Variants in ZPBP observed in about 807,000 individuals in gnomAD.
ZPBP encodes the protein zona pellucida-binding protein 1.
Under a neutral mutation model 44.8 loss-of-function variants are expected in ZPBP, and 26 were observed. The observed-to-expected ratio is 0.58, with a 90% CI of 0.43 to 0.81. The LOEUF is 0.81. ZPBP is among the 30% of genes least tolerant of loss of function. The pLI is 0.00. For synonymous variants in ZPBP, 174 were observed against 153.2 expected (o/e 1.14, Z -1.00); for missense variants, 409 against 434.0 (o/e 0.94, Z 0.51).
Position 50,018,334 on chromosome 7 carries a change from A to C in ZPBP, c.707-18T>G. 13 of 1,532,026 alleles carry C rather than the reference A, an allele frequency of 8.5e-6. No homozygotes were observed. Among genetic ancestry groups the C allele is most frequent in the Non-Finnish European group, 1.2e-5 (13 of 1,109,652 alleles). 94.9% of individuals were successfully genotyped at this position (1,532,026 alleles called of 1,614,324 possible). A position where few individuals can be genotyped will look rare whatever the true frequency, so the allele number is the denominator to read the frequency against. ...AGATGAAACTGAGAAAATATATTAT[A>C]TTTTATCATGGGTATAATGTATTCT... On this transcript the variant is annotated intron_variant, in intron 5 of 7. Coordinates refer to ENST00000046087, the MANE Select transcript of ZPBP (RefSeq NM_007009.3).
chr7:49,925,473 T>A (rs1794201743), intron 1 of ZPBP, among the ~76,000 whole-genome samples: 1 of 152,330 alleles, frequency 6.6e-6, no homozygotes, highest in South Asian at 2.1e-4. Flanking sequence ...TGGGTGCATA[T>A]GTCACTCCAT....
intron 2 of ZPBP, among the ~76,000 whole-genome samples, chr7:50,088,360 T>G (rs1298903895): frequency 6.6e-6 from 1 of 151,988 alleles, no homozygotes; most frequent in Admixed American, 6.6e-5. Context: ...TTGTGACCAG[T>G]GATTAGGCAA....
chr7:49,996,079 A>G (rs1268311863), intron 6 of ZPBP, among the ~76,000 whole-genome samples: 3 of 152,206 alleles, frequency 2.0e-5, no homozygotes, highest in African/African-American at 7.2e-5. Context: ...TCCTGACTTG[A>G]TCATTATGCA....
At position 50,008,621 on chromosome 7, in the gene ZPBP, TA is replaced by T. The variant is rs536458469; in HGVS notation, c.783+9618del. 8.5e-5 allele frequency among the ~76,000 whole-genome samples: 13 copies of T among 152,064 alleles called. No homozygotes were observed. In the South Asian group the frequency reaches 2.7e-3, roughly 32 times the overall value. On this transcript the variant is annotated intron_variant, in intron 6 of 7. Coordinates refer to ENST00000046087, the MANE Select transcript of ZPBP (RefSeq NM_007009.3). ...CTCACACCCTGATTTCAAAACTTAC[TA>T]CAAAGTTACAGTAATCAAAACAGTA...
At position 50,002,177 on chromosome 7, in the gene ZPBP, C is replaced by T. The variant is rs150010644; in HGVS notation, c.783+16063G>A. On this transcript the variant is annotated intron_variant, in intron 6 of 7. Coordinates refer to ENST00000046087, the MANE Select transcript of ZPBP (RefSeq NM_007009.3). ...GGGGCCTCACAATCATGGTGGAAGG[C>T]AAATGAGGAGCCAAATTACGTCTTA... Among the ~76,000 whole-genome samples the T allele has an allele frequency of 1.1e-3, 163 of 152,156 alleles. 1 individual carries two copies. Among genetic ancestry groups the T allele is most frequent in the Middle Eastern group, 6.8e-3 (2 of 292 alleles).
intron 4 of ZPBP, among the ~76,000 whole-genome samples, chr7:50,033,696 T>G (rs976245643): frequency 2.0e-5 from 3 of 151,784 alleles, no homozygotes; most frequent in Non-Finnish European, 4.4e-5. Flanking sequence ...ATTTATTTAT[T>G]TATTTATTTA....
intron 4 of ZPBP, among the ~76,000 whole-genome samples, chr7:50,044,046 A>G (rs2128819660): frequency 6.6e-6 from 1 of 152,344 alleles, no homozygotes; most frequent in South Asian, 2.1e-4. Flanking sequence ...AAACTGGACA[A>G]TCTGCTCCTG....
chr7:49,968,470 A>G (rs1162704854), intron 7 of ZPBP, among the ~76,000 whole-genome samples: 1 of 152,070 alleles, frequency 6.6e-6, no homozygotes, highest in Non-Finnish European at 1.5e-5. Context: ...ACTGAAGAAA[A>G]ACAATAAAAT....
chr7:49,896,981 C>T (rs1176641249), intron 2 of ZPBP, among the ~76,000 whole-genome samples: 7 of 149,312 alleles, frequency 4.7e-5, no homozygotes, highest in Non-Finnish European at 7.4e-5. Context: ...CTGCAAGCTC[C>T]GCTTCCCGGG....
At chr7:49,944,598 A>G (rs990114606) in intron 7 of ZPBP, among the ~76,000 whole-genome samples, 2 of 152,090 alleles carry the variant, frequency 1.3e-5, no homozygotes, top group African/African-American at 4.8e-5. Context: ...TTCATAGTTC[A>G]ATCTTGGTAG....
At chr7:49,863,006 C>T (rs541113831) in intron 2 of ZPBP, among the ~76,000 whole-genome samples, 3 of 152,244 alleles carry the variant, frequency 2.0e-5, no homozygotes, top group East Asian at 1.9e-4. Context: ...ATTCCTCCCT[C>T]TTCTATTATA....
intron 1 of ZPBP, among the ~76,000 whole-genome samples, chr7:49,928,281 T>A (rs1794318800): frequency 6.6e-6 from 1 of 152,244 alleles, no homozygotes; most frequent in South Asian, 2.1e-4. Context: ...TGTGCTTGTT[T>A]GGAGATATCT....
chr7:50,089,723 A>C lies in ZPBP; in HGVS notation c.128-14T>G. On this transcript the variant is annotated splice_polypyrimidine_tract_variant and intron_variant, in intron 1 of 7. Transcript: ENST00000046087. ...CCAAGTGTCCAACTATCAAAAAAAAAGATCAACAATTTGTCTCATTAGATA... is the reference window on the plus strand; with the variant it reads ...CCAAGTGTCCAACTATCAAAAAAAACGATCAACAATTTGTCTCATTAGATA... 2 of 1,593,732 alleles carry C rather than the reference A, an allele frequency of 1.3e-6. No homozygotes were observed. The highest frequency in any genetic ancestry group is 1.7e-6 in the Non-Finnish European group (2 of 1,164,070).
chr7:49,937,866 C>T (rs766315961), intron 7 of ZPBP, among the ~76,000 whole-genome samples: 2 of 152,154 alleles, frequency 1.3e-5, no homozygotes, highest in Non-Finnish European at 2.9e-5. Flanking sequence ...ATCTACATAC[C>T]TCGTGTAAGT....
intron 1 of ZPBP, among the ~76,000 whole-genome samples, chr7:49,907,412 C>T (rs1793163342): frequency 6.6e-6 from 1 of 152,014 alleles, no homozygotes; most frequent in Admixed American, 6.6e-5. Context: ...ATATTAATTA[C>T]TAGGAATGAC....
At chr7:49,917,687 T>C (rs529168650) in intron 1 of ZPBP, 30 of 152,302 alleles carry the variant, frequency 2.0e-4, no homozygotes, top group African/African-American at 7.2e-4. Flanking sequence ...CAATTTTATT[T>C]GGTATCTAAT....
At chr7:49,858,720 A>G (rs2128719328) in intron 2 of ZPBP, among the ~76,000 whole-genome samples, 1 of 152,244 alleles carries the variant, frequency 6.6e-6, no homozygotes, top group South Asian at 2.1e-4. Context: ...AAAAAAAGAA[A>G]GCTATACATA....
intron 6 of ZPBP, among the ~76,000 whole-genome samples, chr7:49,997,868 C>T (rs1214500545): frequency 1.3e-5 from 2 of 152,082 alleles, no homozygotes; most frequent in Admixed American, 1.3e-4. Flanking sequence ...CCCCATCCCA[C>T]CTTAAAGGAT....
At chr7:49,871,252 G>A (rs905314102) in intron 2 of ZPBP, among the ~76,000 whole-genome samples, 2 of 151,978 alleles carry the variant, frequency 1.3e-5, no homozygotes, top group Non-Finnish European at 1.5e-5. Context: ...TAAAAAATTG[G>A]GCATTTTTGC....
Sources: gnomAD v4.1 joint callset for allele counts (sites outside exome capture counted in the v4.1 genomes callset) on GRCh38, gnomAD v4.1.1 for gene constraint, MANE v1.5 for transcripts, NCBI Gene and HGNC (gene_info 2026-07-23, HGNC 2026-07-21) for gene names.